The following CHD7 variants were observed in gnomAD, a reference collection of about 807,000 sequenced individuals.
The protein encoded by CHD7 is ATP-dependent chromatin remodeler CHD7.
In CHD7, 24 loss-of-function variants were observed where a neutral mutation model predicts 307.3. The observed-to-expected ratio is 0.08, with a 90% CI of 0.06 to 0.11. CHD7 has a LOEUF of 0.11. Ranked by LOEUF, CHD7 falls within the 10% of genes least tolerant of loss-of-function variation. The pLI is 1.00. For synonymous variants in CHD7, 1,363 were observed against 1,349.9 expected (o/e 1.01, Z -0.21); for missense variants, 3,106 against 3,727.1 (o/e 0.83, Z 4.34).
intron 2 of CHD7, among the ~76,000 whole-genome samples, chr8:60,754,965 T>C (rs560158685): frequency 6.6e-6 from 1 of 152,358 alleles, no homozygotes; most frequent in Admixed American, 6.5e-5. Context: ...CTTCATGCCC[T>C]TGTTGTTACT....
intron 1 of CHD7, among the ~76,000 whole-genome samples, chr8:60,704,809 A>C (rs927731375): frequency 1.3e-5 from 2 of 152,172 alleles, no homozygotes; most frequent in African/African-American, 4.8e-5. Context: ...CCCCTAACCC[A>C]TATGGTGCCT....
intron 12 of CHD7, 77 bp downstream of exon 12, chr8:60,822,823 G>A: frequency 7.3e-7 from 1 of 1,376,796 alleles, no homozygotes; most frequent in Non-Finnish European, 9.6e-7. Context: ...AAGTCTTGGT[G>A]ACTTGGGAAG....
chr8:60,838,011 T>G (rs1804814227), intron 18 of CHD7, 65 bp from the exon 19 acceptor site: 2 of 1,324,986 alleles, frequency 1.5e-6, no homozygotes, highest in South Asian at 3.4e-5. Flanking sequence ...ATGCAGCATT[T>G]GTTTAGTCTG....
In CHD7 at chr8:60,750,906, C is replaced by A. The variant is rs971963069; in HGVS notation, c.1665+7809C>A. Among the ~76,000 whole-genome samples the A allele has an allele frequency of 3.3e-5, 5 of 152,258 alleles. 1 individual carries two copies. Among genetic ancestry groups the A allele is most frequent in the Admixed American group, 3.3e-4 (5 of 15,306 alleles). ...AGTCATCCTCCAAGACAGGTGTTAC[C>A]CACCTTTGCTGTAAGGTTAAGGAAG... On this transcript the variant is annotated intron_variant, in intron 2 of 37. Transcript: ENST00000423902.
intron 2 of CHD7, among the ~76,000 whole-genome samples, chr8:60,754,249 C>T (rs1216357173): frequency 1.3e-5 from 2 of 152,130 alleles, no homozygotes; most frequent in African/African-American, 4.8e-5. Context: ...TTAAATGTGG[C>T]TCTTCCATTT....
intron 3 of CHD7, among the ~76,000 whole-genome samples, chr8:60,794,625 G>GT (rs1434850354): frequency 6.6e-6 from 1 of 151,920 alleles, no homozygotes; most frequent in African/African-American, 2.4e-5. Flanking sequence ...TCATGATATC[G>GT]TTTTTCATGA....
intron 19 of CHD7, 69 bp from the exon 20 acceptor site, chr8:60,841,571 TAAAC>T (rs1203970888): frequency 1.7e-6 from 2 of 1,178,640 alleles, no homozygotes; most frequent in East Asian, 2.4e-5. Flanking sequence ...AGCAAATACA[TAAAC>T]AAAAGCTGCT....
Position 60,742,585 on chromosome 8 carries a change from C to A in CHD7, c.1153C>A (p.Gln385Lys). 6.2e-7 allele frequency: 1 copy of A among 1,613,974 alleles called. No homozygotes were observed. Among genetic ancestry groups the A allele is most frequent in the Non-Finnish European group, 8.5e-7 (1 of 1,179,872 alleles). The change falls in exon 2 of 38, where the codon CAG becomes AAG. Residue 385 changes from glutamine (Q) to lysine (K), a missense_variant. Gln to Lys is a moderately conservative substitution (Grantham distance 53). Coordinates refer to ENST00000423902, the MANE Select transcript of CHD7 (RefSeq NM_017780.4). ...QMNTQTMHPS[Q>K]PQGTYASPPP... is the part of the protein sequence containing the mutation. The stretch of plus-strand genomic sequence containing the variant: ...GAACACACAAACTATGCATCCTTCA[C>A]AGCCTCAGGGAACTTATGCCTCTCC...
chr8:60,767,180 G>T (rs980478872), intron 2 of CHD7, among the ~76,000 whole-genome samples: 1 of 152,172 alleles, frequency 6.6e-6, no homozygotes, highest in Non-Finnish European at 1.5e-5. Flanking sequence ...GAATATTAGT[G>T]TGCAGTCAGA....
intron 24 of CHD7, 63 bp from the exon 25 acceptor site, chr8:60,848,988 A>G (rs1212785721): frequency 3.2e-6 from 4 of 1,249,524 alleles, no homozygotes; most frequent in African/African-American, 3.0e-5. Flanking sequence ...TGAGCTATGT[A>G]TCACATTCAT....
intron 1 of CHD7, among the ~76,000 whole-genome samples, chr8:60,729,559 G>A (rs987355914): frequency 6.6e-6 from 1 of 152,130 alleles, no homozygotes. Context: ...ATTTATAGTA[G>A]TTAAACTCAT....
intron 2 of CHD7, among the ~76,000 whole-genome samples, chr8:60,760,086 TG>T (rs1810104240): frequency 1.3e-5 from 2 of 152,156 alleles, no homozygotes; most frequent in Non-Finnish European, 2.9e-5. Flanking sequence ...CTGTTCAGTT[TG>T]GGGTCAGACA....
At chr8:60,828,895 TTATATTACAGTTTTTCCCACC>T (rs757361267) in intron 14 of CHD7, 89 bp downstream of exon 14, 102 of 1,252,818 alleles carry the variant, frequency 8.1e-5, no homozygotes, top group Non-Finnish European at 1.1e-4. Flanking sequence ...TAAAGTGTGA[TTATATTACAGTTTTTCCCACC>T]TAGTACACAG....
At chr8:60,739,400 G>C (rs886354121) in intron 1 of CHD7, among the ~76,000 whole-genome samples, 1 of 152,214 alleles carries the variant, frequency 6.6e-6, no homozygotes, top group Non-Finnish European at 1.5e-5. Flanking sequence ...CTTCTTAGGA[G>C]TGTATTTAAG....
At chr8:60,862,421 A>G (rs1225782138) in intron 36 of CHD7, 85 bp downstream of exon 36, 2 of 1,506,982 alleles carry the variant, frequency 1.3e-6, no homozygotes, top group East Asian at 2.4e-5. Context: ...CTATAGGGGA[A>G]AAGAATCCTG....
At chr8:60,717,061 T>C (rs1389169015) in intron 1 of CHD7, among the ~76,000 whole-genome samples, 1 of 148,838 alleles carries the variant, frequency 6.7e-6, no homozygotes, top group African/African-American at 2.5e-5. Context: ...CCTGGAGTAA[T>C]GCATGAATGG....
intron 2 of CHD7, among the ~76,000 whole-genome samples, chr8:60,770,478 G>A (rs559993062): frequency 6.6e-6 from 1 of 152,248 alleles, no homozygotes; most frequent in Admixed American, 6.5e-5. Context: ...AATTGCTTTG[G>A]TGTCTTCTGT....
intron 2 of CHD7, among the ~76,000 whole-genome samples, chr8:60,762,466 C>A (rs1810262323): frequency 6.6e-6 from 1 of 152,142 alleles, no homozygotes; most frequent in Non-Finnish European, 1.5e-5. Context: ...ACTTAGTGAG[C>A]TGTGTGGCCT....
At chr8:60,679,871 G>A (rs1221583642) in intron 1 of CHD7, 1 of 151,484 alleles carries the variant, frequency 6.6e-6, no homozygotes, top group Non-Finnish European at 1.5e-5. Flanking sequence ...GAGGCGTCCC[G>A]AGCTCAGCCA....
Sources: gnomAD v4.1 joint callset for allele counts (sites outside exome capture counted in the v4.1 genomes callset) on GRCh38, gnomAD v4.1.1 for gene constraint, MANE v1.5 for transcripts, NCBI Gene and HGNC (gene_info 2026-07-23, HGNC 2026-07-21) for gene names.